The following WWOX variants were observed in gnomAD, a reference collection of about 807,000 sequenced individuals.
WWOX encodes WW domain-containing oxidoreductase.
WWOX carries 69 observed loss-of-function variants against 46.2 expected under a neutral mutation model. The ratio of observed to expected loss-of-function variants is 1.49; its 90% confidence interval spans 1.23 to 1.82. WWOX has a LOEUF of 1.82. Ranked by LOEUF, WWOX falls within the 40% of genes most tolerant of loss-of-function variation. The probability of loss-of-function intolerance (pLI) is 0.00; values close to 1 mark genes in which losing one functional copy is unlikely to be tolerated. For synonymous variants in WWOX, 359 were observed against 202.6 expected (o/e 1.77, Z -6.56); for missense variants, 919 against 542.6 (o/e 1.69, Z -6.89).
chr16:78,395,338 G>T (rs2082261285), intron 6 of WWOX, among the ~76,000 whole-genome samples: 1 of 152,082 alleles, frequency 6.6e-6, no homozygotes, highest in South Asian at 2.1e-4. Flanking sequence ...CGGTAATTTG[G>T]CAAAACCTTG....
chr16:78,381,228 G>C (rs1434797612), intron 5 of WWOX, among the ~76,000 whole-genome samples: 1 of 152,150 alleles, frequency 6.6e-6, no homozygotes, highest in African/African-American at 2.4e-5. Context: ...CTAATTTATA[G>C]TCATAAAATG....
rs1285110581 is a variant in WWOX, at chr16:78,524,416, A to G, written c.1056+91664A>G. On this transcript the variant is annotated intron_variant, in intron 8 of 8. Transcript: ENST00000566780. ...TATTTATTTATTTATTTGTTTATTT[A>G]TTTATTTATTTATTTGTTTGTTTGA... Among the ~76,000 whole-genome samples, 18 of 145,790 alleles carry G rather than the reference A, an allele frequency of 1.2e-4. No homozygotes were observed. The East Asian group carries it at 1.4e-3, about 11-fold the overall frequency.
At chr16:79,086,484 G>A (rs1427212601) in intron 8 of WWOX, among the ~76,000 whole-genome samples, 1 of 152,142 alleles carries the variant, frequency 6.6e-6, no homozygotes, top group African/African-American at 2.4e-5. Context: ...CAAAACTTGT[G>A]GTGGAAGCAA....
intron 8 of WWOX, among the ~76,000 whole-genome samples, chr16:79,006,284 G>C (rs905071656): frequency 2.6e-5 from 4 of 152,160 alleles, no homozygotes; most frequent in African/African-American, 9.7e-5. Flanking sequence ...TGGAGGAGAA[G>C]ATGTGAAGCG....
At chr16:78,763,127 T>C (rs1439080998) in intron 8 of WWOX, among the ~76,000 whole-genome samples, 2 of 152,296 alleles carry the variant, frequency 1.3e-5, no homozygotes, top group African/African-American at 4.8e-5. Context: ...GCTGTGGAGA[T>C]AGGGAGCTGA....
intron 8 of WWOX, among the ~76,000 whole-genome samples, chr16:78,755,595 C>T (rs1303112394): frequency 2.6e-5 from 4 of 152,162 alleles, no homozygotes; most frequent in Non-Finnish European, 4.4e-5. Context: ...CTCTCAGTGC[C>T]ACACACCCAC....
chr16:78,328,289 G>A (rs961531293), intron 5 of WWOX, among the ~76,000 whole-genome samples: 8 of 152,090 alleles, frequency 5.3e-5, no homozygotes, highest in Non-Finnish European at 8.8e-5. Flanking sequence ...GTTTATAATC[G>A]TCATTTTTCT....
intron 8 of WWOX, among the ~76,000 whole-genome samples, chr16:78,476,104 C>A (rs2084342861): frequency 6.6e-6 from 1 of 152,102 alleles, no homozygotes; most frequent in African/African-American, 2.4e-5. Flanking sequence ...TAATTGTTAC[C>A]AAATCCAGGC....
intron 8 of WWOX, among the ~76,000 whole-genome samples, chr16:79,038,111 G>T (rs553604166): frequency 6.6e-6 from 1 of 152,080 alleles, no homozygotes; most frequent in South Asian, 2.1e-4. Flanking sequence ...GAGAGTGCAG[G>T]ATCCAGTTCA....
At chr16:78,750,003 C>A (rs964624457) in intron 8 of WWOX, among the ~76,000 whole-genome samples, 5 of 152,140 alleles carry the variant, frequency 3.3e-5, no homozygotes, top group Non-Finnish European at 7.4e-5. Flanking sequence ...CCAACAATCC[C>A]TTCTTGTCGT....
At chr16:78,638,969 G>T (rs2046640020) in intron 8 of WWOX, among the ~76,000 whole-genome samples, 1 of 152,056 alleles carries the variant, frequency 6.6e-6, no homozygotes, top group Admixed American at 6.5e-5. Context: ...TGCTGGTAGT[G>T]GGGGCTTAAT....
At position 78,432,704 on chromosome 16, in the gene WWOX, G is replaced by T. The variant is rs768163615; in HGVS notation, c.1008G>T (p.Trp336Cys). ...ACTCCAACATTCATCGCAGCTGGTGGGTGTACACACTGCTGTTTACCTTGG... is the reference window on the plus strand; with the variant it reads ...ACTCCAACATTCATCGCAGCTGGTGTGTGTACACACTGCTGTTTACCTTGG... ...MMYSNIHRSW[W>C]VYTLLFTLAR... The change falls in exon 8 of 9, where the codon TGG becomes TGT. Residue 336 changes from tryptophan to cysteine, a missense_variant. Transcript: ENST00000566780. 6 of 1,614,150 alleles carry T rather than the reference G, an allele frequency of 3.7e-6. 1 individual carries two copies. The highest frequency in any genetic ancestry group is 3.4e-6 in the Non-Finnish European group (4 of 1,180,034).
intron 5 of WWOX, among the ~76,000 whole-genome samples, chr16:78,293,672 T>G (rs2079895150): frequency 6.6e-6 from 1 of 152,122 alleles, no homozygotes; most frequent in African/African-American, 2.4e-5. Flanking sequence ...ACCTTTGTTT[T>G]CATTCAAGAC....
chr16:79,071,960 G>A (rs1057047267), intron 8 of WWOX, among the ~76,000 whole-genome samples: 1 of 152,064 alleles, frequency 6.6e-6, no homozygotes. Context: ...TCATTCATTC[G>A]TTTACTCGTT....
rs113367487 is a variant in WWOX, at chr16:78,391,215, T to C, written c.605+4267T>C. ...GGAGGTGAGGCTGCAAAGGAGGCTG[T>C]TGTAGAGGGAGCCCTCCTAACCATG... On this transcript the variant is annotated intron_variant, in intron 6 of 8. Transcript: ENST00000566780. Among the ~76,000 whole-genome samples, 376 of 152,336 alleles carry C rather than the reference T, an allele frequency of 2.5e-3. 3 individuals are homozygous for C. The highest frequency in any genetic ancestry group is 8.8e-3 in the African/African-American group (367 of 41,592).
intron 8 of WWOX, among the ~76,000 whole-genome samples, chr16:78,921,027 GC>G (rs1447442963): frequency 1.3e-5 from 2 of 152,080 alleles, no homozygotes; most frequent in Non-Finnish European, 2.9e-5. Context: ...ATTAAGCTTT[GC>G]CAGTCCAATA....
chr16:78,594,116 C>G (rs9888982), intron 8 of WWOX, among the ~76,000 whole-genome samples: 23,480 of 152,012 alleles, frequency 0.15, 3,154 homozygotes, highest in African/African-American at 0.37. Context: ...TCAACTCCTT[C>G]TCAACTCCTC....
intron 4 of WWOX, among the ~76,000 whole-genome samples, chr16:78,144,448 C>CGTGTATATATATATATATATATAT (rs71380475): frequency 9.1e-4 from 16 of 17,586 alleles, no homozygotes; most frequent in African/African-American, 2.3e-3. Flanking sequence ...TATATATATA[C>CGTGTATATATATATATATATATAT]ACATATATAT....
chr16:78,823,449 A>G (rs559931892), intron 8 of WWOX, among the ~76,000 whole-genome samples: 7 of 152,226 alleles, frequency 4.6e-5, no homozygotes, highest in Non-Finnish European at 7.3e-5. Flanking sequence ...ATCATCGCTT[A>G]TCATCACCTG....
Sources: allele counts gnomAD v4.1 joint callset (sites outside exome capture counted in the v4.1 genomes callset), GRCh38; gene constraint gnomAD v4.1.1; transcripts MANE v1.5; gene names NCBI Gene and HGNC (gene_info 2026-07-23, HGNC 2026-07-21).